The following PIR variants were observed in gnomAD, a reference collection of about 807,000 sequenced individuals.
PIR encodes pirin.
In PIR, 22 loss-of-function variants were observed where a neutral mutation model predicts 24.2. The ratio of observed to expected loss-of-function variants is 0.91; its 90% CI spans 0.65 to 1.30. The LOEUF (loss-of-function observed/expected upper bound fraction) is 1.30, where lower values mean the gene tolerates loss of function less well. Ranked by LOEUF, PIR falls within the 50% of genes most tolerant of loss-of-function variation. The probability of loss-of-function intolerance (pLI) is 0.00; values close to 1 mark genes in which losing one functional copy is unlikely to be tolerated. For synonymous variants in PIR, 80 were observed against 79.6 expected (o/e 1.00, Z -0.03); for missense variants, 220 against 220.3 (o/e 1.00, Z 0.01).
At chrX:15,440,112 C>G (rs1202906506) in intron 5 of PIR, among the ~76,000 whole-genome samples, 1 of 111,219 alleles carries the variant, frequency 9.0e-6, no homozygotes, top group African/African-American at 3.3e-5. Flanking sequence ...TTATTTTCCT[C>G]CATCATCCCC....
rs372664487 is a variant in PIR, at chrX:15,417,320, G to A, written c.565+8586C>T. Among the ~76,000 whole-genome samples the A allele has an allele frequency of 1.2e-4, 13 of 112,516 alleles. No homozygotes were observed. The East Asian group carries it at 1.7e-3, about 14-fold the overall frequency. On this transcript the variant is annotated intron_variant, in intron 6 of 9. Coordinates refer to ENST00000380420, the MANE Select transcript of PIR (RefSeq NM_001018109.3). The stretch of plus-strand genomic sequence containing the variant: ...TGAGAGACATTGCAAGACAATACAT[G>A]TTGTTCTAAGGCACAAAGTTTTGGG...
intron 5 of PIR, among the ~76,000 whole-genome samples, chrX:15,442,198 ATTTCATTATCACGT>A (rs1925938334): frequency 1.8e-5 from 2 of 110,701 alleles, no homozygotes; most frequent in Admixed American, 9.6e-5. Context: ...TTCTTGCCAT[ATTTCATTATCACGT>A]TTTCATTATC....
rs11308485 is a variant in PIR, at chrX:15,409,095, C to CTTT, written c.566-1548_566-1546dup. Among the ~76,000 whole-genome samples the CTTT allele has an allele frequency of 6.5e-4, 39 of 60,416 alleles. 1 individual carries two copies. The highest frequency in any genetic ancestry group is 2.1e-3 in the African/African-American group (32 of 15,314). The allele number at this position is 60,416 out of a possible 115,157, so 52.5% of individuals were successfully genotyped here. A position where few individuals can be genotyped will look rare whatever the true frequency, so the allele number is the denominator to read the frequency against. On this transcript the variant is annotated intron_variant, in intron 6 of 9. Transcript: ENST00000380420. ...ATTCATAGCTTACTCGTTTTTCTCC[C>CTTT]TTTTTTTTTTTTTTTTTTTTTGAGA... is the stretch of plus-strand genomic sequence containing the variant.
intron 8 of PIR, 43 bp downstream of exon 8, chrX:15,397,406 G>T: frequency 1.1e-6 from 1 of 932,648 alleles, no homozygotes; most frequent in Non-Finnish European, 1.6e-6. Context: ...GAAACCAGTA[G>T]AAAGTACATG....
At chrX:15,477,576 C>T (rs759002232) in intron 3 of PIR, among the ~76,000 whole-genome samples, 1 of 111,994 alleles carries the variant, frequency 8.9e-6, no homozygotes, top group South Asian at 3.7e-4. Flanking sequence ...ATATTTTCTC[C>T]GTAAGGCACA....
At chrX:15,430,655 T>C (rs1303063724) in intron 5 of PIR, among the ~76,000 whole-genome samples, 2 of 111,748 alleles carry the variant, frequency 1.8e-5, no homozygotes, top group African/African-American at 6.5e-5. Context: ...TACCTTCATC[T>C]TATGTCCTTC....
At chrX:15,429,935 C>A (rs1925452484) in intron 5 of PIR, 2 of 110,496 alleles carry the variant, frequency 1.8e-5, no homozygotes, top group Non-Finnish European at 3.8e-5. Context: ...CCATTACATA[C>A]CCTGCTGATT....
intron 5 of PIR, among the ~76,000 whole-genome samples, chrX:15,453,397 T>C (rs1250955053): frequency 8.9e-6 from 1 of 112,351 alleles, no homozygotes; most frequent in Non-Finnish European, 1.9e-5. Flanking sequence ...ATTTAATAGA[T>C]GAGACACTGA....
chrX:15,393,114 C>T (rs747533645), intron 8 of PIR, among the ~76,000 whole-genome samples: 7 of 112,090 alleles, frequency 6.2e-5, no homozygotes, highest in Non-Finnish European at 1.3e-4. Context: ...TAGCAGAGGT[C>T]CACTTACTAC....
chrX:15,423,825 T>C (rs1370185793), intron 6 of PIR, among the ~76,000 whole-genome samples: 1 of 111,779 alleles, frequency 8.9e-6, no homozygotes. Context: ...AACAAAATGC[T>C]CAACATTACT....
chrX:15,389,169 T>G (rs1176469236), intron 9 of PIR, among the ~76,000 whole-genome samples: 1 of 112,152 alleles, frequency 8.9e-6, no homozygotes, highest in African/African-American at 3.2e-5. Context: ...GAATAAAGAT[T>G]ATGACCCTAC....
intron 5 of PIR, among the ~76,000 whole-genome samples, chrX:15,431,210 C>A (rs932123678): frequency 1.3e-4 from 15 of 111,842 alleles, no homozygotes; most frequent in African/African-American, 4.5e-4. Flanking sequence ...TCTACTTGTT[C>A]CTAGACACAC....
chrX:15,387,368 A>AT (rs1197847273), intron 9 of PIR, among the ~76,000 whole-genome samples: 1 of 109,696 alleles, frequency 9.1e-6, no homozygotes, highest in African/African-American at 3.3e-5. Flanking sequence ...AAGTGCTGGG[A>AT]TTACAGGCAT....
At chrX:15,395,421 A>G (rs758760719) in intron 8 of PIR, among the ~76,000 whole-genome samples, 24 of 112,059 alleles carry the variant, frequency 2.1e-4, no homozygotes, top group African/African-American at 7.8e-4. Context: ...TTATTGGATA[A>G]AAGAACCTAT....
chrX:15,400,988 C>A (rs747038659), intron 7 of PIR, among the ~76,000 whole-genome samples: 1 of 109,833 alleles, frequency 9.1e-6, no homozygotes, highest in Non-Finnish European at 1.9e-5. Context: ...TCTGCCCCCT[C>A]GATCTCCCAA....
chrX:15,485,944 T>C (rs1412953766), intron 2 of PIR, among the ~76,000 whole-genome samples: 1 of 111,885 alleles, frequency 8.9e-6, no homozygotes, highest in Non-Finnish European at 1.9e-5. Flanking sequence ...ACATATCAAA[T>C]TGACAATCTT....
At chrX:15,389,420 G>T (rs1159578113) in intron 9 of PIR, among the ~76,000 whole-genome samples, 1 of 112,037 alleles carries the variant, frequency 8.9e-6, no homozygotes, top group Non-Finnish European at 1.9e-5. Context: ...AGCAGCTGGG[G>T]TTTATCTGCA....
chrX:15,436,011 A>C (rs779496959), intron 5 of PIR, among the ~76,000 whole-genome samples: 1 of 112,413 alleles, frequency 8.9e-6, no homozygotes, highest in East Asian at 2.8e-4. Flanking sequence ...GAAGGATTAA[A>C]ACTCTGTAAT....
At chrX:15,464,476 G>A in intron 3 of PIR, 1 of 719,112 alleles carries the variant, frequency 1.4e-6, no homozygotes, top group Non-Finnish European at 1.6e-6. Flanking sequence ...CTTGTTCCCT[G>A]CTTAGGTGAA....
Sources: allele counts gnomAD v4.1 joint callset (sites outside exome capture counted in the v4.1 genomes callset), GRCh38; gene constraint gnomAD v4.1.1; transcripts MANE v1.5; gene names NCBI Gene and HGNC (gene_info 2026-07-23, HGNC 2026-07-21).